UMODL1: variants seen among roughly 807,000 people sequenced by gnomAD.
UMODL1 encodes uromodulin-like 1.
Under a neutral mutation model 136.3 loss-of-function variants are expected in UMODL1, and 128 were observed. The observed-to-expected ratio is 0.94, with a 90% CI of 0.81 to 1.09. UMODL1 has a LOEUF of 1.09. UMODL1 is among the 50% of genes least tolerant of loss of function. The pLI is 0.00. For missense variants in UMODL1, 1,766 were observed against 1,725.6 expected (o/e 1.02, Z -0.41); for synonymous variants, 721 against 720.0 (o/e 1.00, Z -0.02).
At chr21:42,071,462 C>G (rs1352151579) in intron 1 of UMODL1, 70 bp downstream of exon 1, 1 of 1,420,950 alleles carries the variant, frequency 7.0e-7, no homozygotes, top group South Asian at 1.6e-5. Flanking sequence ...CTCATGAGGA[C>G]AGCCCCCTGT....
chr21:42,133,626 T>C (rs112385125), intron 21 of UMODL1, among the ~76,000 whole-genome samples: 9,444 of 152,316 alleles, frequency 0.062, 410 homozygotes, highest in Middle Eastern at 0.1. Context: ...AGCCACAGTC[T>C]CTCGCAACAT....
rs368444401 is a variant in UMODL1 at position 42,126,332 on chromosome 21, G to A, written c.3148-13G>A. ...GGGGCCTGGGAGCTCCTCATGCTCC[G>A]CTTTGTGCTCAGAACATGACGAACA... On this transcript the variant is annotated splice_polypyrimidine_tract_variant and intron_variant, in intron 17 of 22. Coordinates refer to ENST00000408910, the MANE Select transcript of UMODL1 (RefSeq NM_001004416.3). The A allele has an allele frequency of 2.4e-5, 39 of 1,613,608 alleles. No individual in the cohort carries two copies. The highest frequency in any genetic ancestry group is 3.3e-5 in the Admixed American group (2 of 60,010).
At chr21:42,135,263 A>G (rs117150237) in intron 21 of UMODL1, among the ~76,000 whole-genome samples, 4,890 of 152,348 alleles carry the variant, frequency 0.032, 105 homozygotes, top group Non-Finnish European at 0.05. Context: ...GCTGTGGGAA[A>G]TTACCATCCA....
At chr21:42,069,825 A>T (rs148746433), upstream of UMODL1, among the ~76,000 whole-genome samples, 372 of 152,360 alleles carry the variant, frequency 2.4e-3, 1 homozygote, top group Admixed American at 3.6e-3. Context: ...ATTTACTTAA[A>T]TCATAATACT....
chr21:42,104,480 G>A (rs1445146815), intron 9 of UMODL1, among the ~76,000 whole-genome samples: 7 of 145,140 alleles, frequency 4.8e-5, no homozygotes, highest in Admixed American at 2.8e-4. Flanking sequence ...ACAGAGTTTC[G>A]CTCTTGTTGC....
At position 42,111,040 on chromosome 21, in the gene UMODL1, C is replaced by G; in HGVS notation, c.1818C>G (p.Thr606=). The G allele has an allele frequency of 6.2e-7, 1 of 1,613,354 alleles. No homozygotes were observed. Among genetic ancestry groups the G allele is most frequent in the South Asian group, 1.1e-5 (1 of 90,946 alleles). ...QGTPAAGQAW[T]PEPSPRRGGS... ...CCCCGGCAGCAGGCCAGGCCTGGAC[C>G]CCAGAGCCCTCACCCAGAAGAGGGG... The change falls in exon 11 of 23, where the codon ACC becomes ACG. Residue 606 remains threonine, a synonymous_variant. Transcript: ENST00000408910.
chr21:42,083,047 C>T (rs1007070412), intron 2 of UMODL1, among the ~76,000 whole-genome samples: 25 of 152,216 alleles, frequency 1.6e-4, no homozygotes, highest in Admixed American at 2.6e-4. Flanking sequence ...TCATCTTTGC[C>T]TCCTGCAGAG....
chr21:42,125,407 T>G (rs1206080498), intron 17 of UMODL1, among the ~76,000 whole-genome samples: 1 of 152,128 alleles, frequency 6.6e-6, no homozygotes. Flanking sequence ...GAGCACAAGC[T>G]TGCCTGGGAG....
chr21:42,081,348 C>T (rs995524832), intron 2 of UMODL1, among the ~76,000 whole-genome samples: 1 of 152,194 alleles, frequency 6.6e-6, no homozygotes, highest in African/African-American at 2.4e-5. Flanking sequence ...ACAAAGCTCC[C>T]CTGTTGCCTC....
intron 6 of UMODL1, 99 bp downstream of exon 6, chr21:42,090,537 G>T: frequency 2.1e-6 from 3 of 1,423,720 alleles, no homozygotes; most frequent in Non-Finnish European, 2.8e-6. Context: ...CATTCACCCC[G>T]AGATAACTCT....
At chr21:42,075,891 C>G in intron 1 of UMODL1, 114 bp from the exon 2 acceptor site, 5 of 1,488,014 alleles carry the variant, frequency 3.4e-6, no homozygotes, top group Non-Finnish European at 4.6e-6. Flanking sequence ...GAGGCCTGCG[C>G]GAGTGCGGGA....
chr21:42,127,034 G>A lies in UMODL1; in HGVS notation c.3322G>A (p.Gly1108Ser), dbSNP rs767663686. 1.1e-5 allele frequency: 18 copies of A among 1,614,022 alleles called. No homozygotes were observed. Among genetic ancestry groups the A allele is most frequent in the Middle Eastern group, 3.3e-4 (2 of 6,084 alleles). The change falls in exon 19 of 23, where the codon GGC becomes AGC. Residue 1108 changes from glycine to serine, a missense_variant. By Grantham distance (56) the Gly-to-Ser change is moderately conservative. Transcript: ENST00000408910. Reference protein sequence around the residue: ...GVYTIIEDLHGAGNFVTEMQL... With the variant: ...GVYTIIEDLHSAGNFVTEMQL... ...TTACACCATCATCGAGGACCTCCAC[G>A]GCGCTGGGAATTTTGTTACCGAAAT... is the stretch of plus-strand genomic sequence containing the variant.
At chr21:42,095,788 C>A (rs2066550818) in intron 6 of UMODL1, among the ~76,000 whole-genome samples, 1 of 152,058 alleles carries the variant, frequency 6.6e-6, no homozygotes, top group African/African-American at 2.4e-5. Context: ...CAGTTTTGTC[C>A]TCTGTAAAAT....
intron 4 of UMODL1, among the ~76,000 whole-genome samples, chr21:42,086,111 G>A (rs149257587): frequency 2.9e-4 from 44 of 152,292 alleles, no homozygotes; most frequent in African/African-American, 9.6e-4. Flanking sequence ...AGGGCGCTGC[G>A]TGTCCCCAAG....
In UMODL1 at chr21:42,123,035, C is replaced by T. The variant is rs267606137; in HGVS notation, c.3032C>T (p.Ser1011Phe). Residue 1011 changes from serine (S) to phenylalanine (F), a missense_variant, in exon 17 of 23, where the codon TCC becomes TTC. Ser to Phe is a radical substitution (Grantham distance 155). Transcript: ENST00000408910. This position sits in a 1 kb window ranked among gnomAD's most constrained non-coding sequence, Gnocchi z 4.4. ...CAGAAGCGCTTCCTGCAGCAGGAAT[C>T]CATCCCCGAGTCCTCGTTGTACCTC... The part of the protein sequence containing the change: ...AIQKRFLQQE[S>F]IPESSLYLSH... 6.2e-7 allele frequency: 1 copy of T among 1,614,138 alleles called. No homozygotes were observed. The highest frequency in any genetic ancestry group is 8.5e-7 in the Non-Finnish European group (1 of 1,180,026).
At chr21:42,137,681 A>G (rs138601577) in intron 22 of UMODL1, 40 bp downstream of exon 22, 34 of 634,968 alleles carry the variant, frequency 5.4e-5, no homozygotes, top group African/African-American at 1.5e-4. Flanking sequence ...GCTGACAGGA[A>G]GGTGGGTGTG....
chr21:42,088,223 G>A (rs1015749791), intron 4 of UMODL1, 71 bp from the exon 5 acceptor site: 5 of 1,529,190 alleles, frequency 3.3e-6, no homozygotes, highest in Admixed American at 1.7e-5. Flanking sequence ...TCAGCTCTGC[G>A]GGCCTCAGTC....
chr21:42,115,485 G>A (rs932644982), intron 13 of UMODL1, among the ~76,000 whole-genome samples: 2 of 152,250 alleles, frequency 1.3e-5, no homozygotes, highest in Non-Finnish European at 2.9e-5. Context: ...GGACAGCCCA[G>A]TTTGCACCCG....
chr21:42,070,598 T>G (rs959691689), upstream of UMODL1, among the ~76,000 whole-genome samples: 2 of 152,246 alleles, frequency 1.3e-5, no homozygotes, highest in East Asian at 3.8e-4. Context: ...TGTTAAGTAT[T>G]TGTTTGTGCT....
Sources: gnomAD v4.1 joint callset for allele counts (sites outside exome capture counted in the v4.1 genomes callset) on GRCh38, gnomAD v4.1.1 for gene constraint, Gnocchi (gnomAD v3.1) non-coding constraint, MANE v1.5 for transcripts, NCBI Gene and HGNC (gene_info 2026-07-23, HGNC 2026-07-21) for gene names.